CBX5: variants seen among roughly 807,000 people sequenced by gnomAD.
The protein encoded by CBX5 is chromobox 5.
In CBX5, 7 loss-of-function variants were observed where a neutral mutation model predicts 20.7. The ratio of observed to expected loss-of-function variants is 0.34; its 90% CI spans 0.19 to 0.63. CBX5 has a LOEUF of 0.63. CBX5 is among the 30% of genes least tolerant of loss of function. The probability of loss-of-function intolerance (pLI) is 0.75; values close to 1 mark genes in which losing one functional copy is unlikely to be tolerated. For synonymous variants in CBX5, 78 were observed against 77.0 expected (o/e 1.01, Z -0.07); for missense variants, 110 against 224.1 (o/e 0.49, Z 3.25).
At chr12:54,252,820 A>G (rs963310194) in intron 2 of CBX5, among the ~76,000 whole-genome samples, 7 of 152,074 alleles carry the variant, frequency 4.6e-5, no homozygotes, top group African/African-American at 1.4e-4. Context: ...CCGTGTCTCT[A>G]CTAAAATTAC....
chr12:54,261,321 G>A (rs569085163), intron 1 of CBX5, among the ~76,000 whole-genome samples: 11 of 149,498 alleles, frequency 7.4e-5, no homozygotes, highest in South Asian at 2.1e-4. Flanking sequence ...TTTTTGAGAC[G>A]GAGTCTCGCT....
At chr12:54,267,689 G>GT (rs1943969600) in intron 1 of CBX5, among the ~76,000 whole-genome samples, 1 of 151,874 alleles carries the variant, frequency 6.6e-6, no homozygotes, top group Non-Finnish European at 1.5e-5. Context: ...TTTTTTTTGT[G>GT]TATTTTTAGT....
chr12:54,274,398 G>A (rs1944040078), intron 1 of CBX5: 1 of 152,166 alleles, frequency 6.6e-6, no homozygotes, highest in African/African-American at 2.4e-5. Context: ...TGATTGCCCA[G>A]AGTCCGAGTT....
Position 54,236,230 on chromosome 12 carries a change from A to G in CBX5, c.*5525T>C, listed in dbSNP as rs1565864351. ...ATTGGTTTATAGCATTTATTATACC[A>G]AACTATTTTTTTTTTGAACAGAAAC... On this transcript the variant is annotated 3_prime_UTR_variant, in exon 5 of 5. Transcript: ENST00000209875. 1 of 152,146 alleles carries G rather than the reference A, an allele frequency of 6.6e-6. No homozygotes were observed. Among genetic ancestry groups the G allele is most frequent in the Non-Finnish European group, 1.5e-5 (1 of 68,038 alleles). The allele number at this position is 152,146 out of a possible 1,614,324, so 9.4% of individuals were successfully genotyped here.
chr12:54,264,713 G>A (rs1266133632), intron 1 of CBX5, among the ~76,000 whole-genome samples: 1 of 151,972 alleles, frequency 6.6e-6, no homozygotes, highest in Non-Finnish European at 1.5e-5. Flanking sequence ...TGTGGTGGCA[G>A]GTGCCTGTAA....
intron 1 of CBX5, chr12:54,278,658 G>C (rs1293736682): frequency 6.6e-6 from 1 of 152,184 alleles, no homozygotes; most frequent in Non-Finnish European, 1.5e-5. Flanking sequence ...AAAGATCCTG[G>C]AATAAGCAGA....
intron 2 of CBX5, among the ~76,000 whole-genome samples, chr12:54,254,437 T>C (rs555046433): frequency 6.6e-6 from 1 of 151,706 alleles, no homozygotes; most frequent in African/African-American, 2.4e-5. Context: ...AAATCTGAGC[T>C]ATTTACTCTT....
At chr12:54,270,760 A>T in intron 1 of CBX5, among the ~76,000 whole-genome samples, 1 of 152,168 alleles carries the variant, frequency 6.6e-6, no homozygotes, top group East Asian at 1.9e-4. Context: ...TCAGGAAATA[A>T]ACATACCTTG....
intron 1 of CBX5, among the ~76,000 whole-genome samples, chr12:54,260,368 A>T (rs112373012): frequency 6.6e-5 from 10 of 152,008 alleles, no homozygotes; most frequent in African/African-American, 2.4e-4. Context: ...TGGCAGGCGC[A>T]TATAGTCCCA....
intron 1 of CBX5, among the ~76,000 whole-genome samples, chr12:54,260,378 A>T (rs1415484572): frequency 6.6e-6 from 1 of 152,134 alleles, no homozygotes; most frequent in African/African-American, 2.4e-5. Flanking sequence ...ATATAGTCCC[A>T]GCTCCTCAGG....
intron 4 of CBX5, among the ~76,000 whole-genome samples, chr12:54,244,044 C>T (rs1192743871): frequency 2.0e-5 from 3 of 151,476 alleles, no homozygotes; most frequent in Non-Finnish European, 2.9e-5. Context: ...CTCTGTTGCC[C>T]AGGCTGGAGT....
chr12:54,266,966 T>C (rs1943963172), intron 1 of CBX5, among the ~76,000 whole-genome samples: 1 of 152,208 alleles, frequency 6.6e-6, no homozygotes, highest in Non-Finnish European at 1.5e-5. Context: ...AAATATCCAA[T>C]TGTTTCAAGA....
At chr12:54,245,273 AGTGTTGG>A (rs1943722683) in intron 4 of CBX5, among the ~76,000 whole-genome samples, 1 of 151,958 alleles carries the variant, frequency 6.6e-6, no homozygotes, top group Non-Finnish European at 1.5e-5. Context: ...GGCCACCCAA[AGTGTTGG>A]GATTACAGGT....
At chr12:54,244,938 C>A (rs942169116) in intron 4 of CBX5, among the ~76,000 whole-genome samples, 1 of 151,802 alleles carries the variant, frequency 6.6e-6, no homozygotes, top group African/African-American at 2.4e-5. Flanking sequence ...GATCACAGGC[C>A]CATGGTCTTA....
intron 1 of CBX5, chr12:54,276,717 T>C (rs909015208): frequency 3.9e-5 from 6 of 152,226 alleles, no homozygotes; most frequent in African/African-American, 1.2e-4. Context: ...TCAATGGAAA[T>C]TGACTGCTTT....
At chr12:54,275,043 G>C (rs996108832) in intron 1 of CBX5, among the ~76,000 whole-genome samples, 1 of 152,008 alleles carries the variant, frequency 6.6e-6, no homozygotes, top group Non-Finnish European at 1.5e-5. Context: ...ATTGTTAAGG[G>C]CTCTGAGAAT....
chr12:54,251,115 A>G (rs1035030768), intron 3 of CBX5, among the ~76,000 whole-genome samples: 14 of 147,030 alleles, frequency 9.5e-5, no homozygotes, highest in African/African-American at 3.3e-4. Context: ...TGGGTGACAG[A>G]GCGATATTCT....
At chr12:54,275,097 T>A (rs184076684) in intron 1 of CBX5, among the ~76,000 whole-genome samples, 1 of 152,296 alleles carries the variant, frequency 6.6e-6, no homozygotes, top group East Asian at 1.9e-4. Context: ...CCGCTTCAAA[T>A]GTAGGCTCAC....
At position 54,231,086 on chromosome 12, in the gene CBX5, C is replaced by T. The variant is rs918788321; in HGVS notation, c.*10669G>A. The stretch of plus-strand genomic sequence containing the variant: ...TAAATGCTTACTTTTTAAACATTTA[C>T]ATTTAAAAGGTGAACATATATATAG... On this transcript the variant is annotated 3_prime_UTR_variant, in exon 5 of 5. Transcript: ENST00000209875. 6.6e-6 allele frequency: 1 copy of T among 152,000 alleles called. No individual in the cohort carries two copies. The highest frequency in any genetic ancestry group is 6.6e-5 in the Admixed American group (1 of 15,248). 9.4% of individuals were successfully genotyped at this position (152,000 alleles called of 1,614,324 possible).
Sources: allele counts gnomAD v4.1 joint callset (sites outside exome capture counted in the v4.1 genomes callset), GRCh38; gene constraint gnomAD v4.1.1; transcripts MANE v1.5; gene names NCBI Gene and HGNC (gene_info 2026-07-23, HGNC 2026-07-21).